Variants in CCDC57 observed in about 807,000 individuals in gnomAD.
CCDC57 encodes coiled-coil domain containing 57.
Under a neutral mutation model 118.9 loss-of-function variants are expected in CCDC57, and 118 were observed. That is an observed-to-expected ratio of 0.99 (90% CI 0.86 to 1.16). The LOEUF is 1.16. Among genes scored for constraint, CCDC57 ranks in the 50% most tolerant of loss-of-function variants. The pLI is 0.00. For synonymous variants in CCDC57, 527 were observed against 532.9 expected, an observed-to-expected ratio of 0.99 and a Z score of 0.15; for missense variants, 1,300 against 1,320.7, an observed-to-expected ratio of 0.98 and a Z score of 0.24.
chr17:82,182,074 C>T (rs1010837464), intron 9 of CCDC57, among the ~76,000 whole-genome samples: 3 of 151,766 alleles, frequency 2.0e-5, no homozygotes, highest in Admixed American at 1.3e-4. Flanking sequence ...GCTGAGATTG[C>T]GCCACTGCAC....
At chr17:82,148,305 GTGAA>G in intron 16 of CCDC57, among the ~76,000 whole-genome samples, 1 of 131,524 alleles carries the variant, frequency 7.6e-6, no homozygotes, top group African/African-American at 2.9e-5. Context: ...GGATGGGTGG[GTGAA>G]TGGATAAATG....
intron 8 of CCDC57, 50 bp from the exon 8 acceptor site, chr17:82,183,982 T>C (rs2046527936): frequency 1.3e-6 from 2 of 1,540,528 alleles, no homozygotes; most frequent in Non-Finnish European, 1.8e-6. Context: ...TCACTAAAGT[T>C]GTCTCTTACA....
In CCDC57 at chr17:82,172,917, T is replaced by C. The variant is rs1290420907; in HGVS notation, c.1507-57A>G. 16 of 1,466,718 alleles carry C rather than the reference T, an allele frequency of 1.1e-5. No individual in the cohort carries two copies. Among genetic ancestry groups the C allele is most frequent in the Non-Finnish European group, 1.5e-5 (16 of 1,067,920 alleles). The allele number at this position is 1,466,718 out of a possible 1,614,324, so 90.9% of individuals were successfully genotyped here. On this transcript the variant is annotated intron_variant, in intron 11 of 19. Transcript: ENST00000665763. This position sits in a 1 kb window ranked among gnomAD's most constrained non-coding sequence, Gnocchi z 5.2. Reference sequence around the variant, plus strand: ...AGATGAATGGTTCCCCAGCTTGTCCTGACAGGCTGTGCCTCCGCTCTCCCC... The same window carrying C: ...AGATGAATGGTTCCCCAGCTTGTCCCGACAGGCTGTGCCTCCGCTCTCCCC...
intron 16 of CCDC57, among the ~76,000 whole-genome samples, chr17:82,151,163 G>A (rs77564838): frequency 0.25 from 13,969 of 55,938 alleles, 2,565 homozygotes; most frequent in East Asian, 0.67. Flanking sequence ...AGAACCAGGC[G>A]CACACCCAGA....
chr17:82,118,482 G>A lies in CCDC57; in HGVS notation c.2899+9210C>T, dbSNP rs1372290246. Reference sequence around the variant, plus strand: ...AGGTGCGAGGTGCTCCGGAACTTGCGGGGCTTAGCTGCCCACACACGTGGG... The same window carrying A: ...AGGTGCGAGGTGCTCCGGAACTTGCAGGGCTTAGCTGCCCACACACGTGGG... On this transcript the variant is annotated intron_variant, in intron 19 of 19. Transcript: ENST00000665763. The surrounding 1 kb of genome is among the most constrained non-coding windows in gnomAD (Gnocchi z 4.7). Among the ~76,000 whole-genome samples, 6 of 152,174 alleles carry A rather than the reference G, an allele frequency of 3.9e-5. No individual in the cohort carries two copies. The highest frequency in any genetic ancestry group is 7.2e-5 in the African/African-American group (3 of 41,424).
At chr17:82,162,000 A>T (rs530845161) in intron 14 of CCDC57, among the ~76,000 whole-genome samples, 3 of 118,908 alleles carry the variant, frequency 2.5e-5, no homozygotes, top group Non-Finnish European at 3.6e-5. Flanking sequence ...TACCACAATT[A>T]AAAAAATTTT....
In CCDC57 at chr17:82,116,051, C is replaced by A. The variant is rs558409492; in HGVS notation, c.2899+11641G>T. On this transcript the variant is annotated intron_variant, in intron 19 of 19. Coordinates refer to ENST00000665763, the Ensembl canonical transcript of CCDC57. ...TGACCTCATGATCCACCCGCCTCAG[C>A]CTCCCAAAGTGCTGGGATTACAGGC... Among the ~76,000 whole-genome samples, 139 of 150,478 alleles carry A rather than the reference C, an allele frequency of 9.2e-4. 2 individuals are homozygous for A. The South Asian group carries it at 0.029, about 31-fold the overall frequency.
intron 19 of CCDC57, among the ~76,000 whole-genome samples, chr17:82,106,859 A>G (rs554752142): frequency 6.6e-6 from 1 of 152,312 alleles, no homozygotes; most frequent in South Asian, 2.1e-4. Flanking sequence ...GGGAACTTTC[A>G]AAAGGGGCCC....
At chr17:82,148,170 A>ATGGATGG (rs2041138485) in intron 16 of CCDC57, among the ~76,000 whole-genome samples, 2 of 58,634 alleles carry the variant, frequency 3.4e-5, no homozygotes, top group African/African-American at 1.4e-4. Context: ...TGGATGGATG[A>ATGGATGG]ATAGATAGGT....
chr17:82,146,141 A>G (rs1316273434), intron 16 of CCDC57, among the ~76,000 whole-genome samples: 18 of 152,222 alleles, frequency 1.2e-4, no homozygotes, highest in Admixed American at 1.2e-3. Context: ...GAAGTGGACT[A>G]GAGAAGCATC....
intron 19 of CCDC57, among the ~76,000 whole-genome samples, chr17:82,117,513 C>CT (rs1238803292): frequency 6.6e-6 from 1 of 152,090 alleles, no homozygotes; most frequent in East Asian, 1.9e-4. Context: ...TGGTACGTGC[C>CT]TGTGGTCCCA....
chr17:82,107,582 C>T (rs750199955), intron 19 of CCDC57: 64 of 470,884 alleles, frequency 1.4e-4, no homozygotes, highest in African/African-American at 9.4e-4. Flanking sequence ...TGAGGATGGG[C>T]GGATGGAGTT....
At position 82,172,870 on chromosome 17, in the gene CCDC57, A is replaced by G. The variant is rs1294546602; in HGVS notation, c.1507-10T>C. The G allele has an allele frequency of 6.2e-7, 1 of 1,604,354 alleles. No individual in the cohort carries two copies. The highest frequency in any genetic ancestry group is 8.5e-7 in the Non-Finnish European group (1 of 1,175,116). ...GCTGCCTGAGAAGCATCTGTCAAAT[A>G]CAAGGAAAAATGGCTACAAAAAGAT... On this transcript the variant is annotated splice_polypyrimidine_tract_variant and intron_variant, in intron 11 of 19. Coordinates refer to ENST00000665763, the Ensembl canonical transcript of CCDC57. The surrounding 1 kb of genome is among the most constrained non-coding windows in gnomAD (Gnocchi z 5.2).
At chr17:82,143,093 C>A (rs371670074) in intron 16 of CCDC57, among the ~76,000 whole-genome samples, 1 of 151,522 alleles carries the variant, frequency 6.6e-6, no homozygotes, top group East Asian at 1.9e-4. Flanking sequence ...TCCCATGAGG[C>A]GGAGGTTGTA....
chr17:82,148,298 T>C (rs2041178829), intron 16 of CCDC57, among the ~76,000 whole-genome samples: 1 of 115,018 alleles, frequency 8.7e-6, no homozygotes, highest in Non-Finnish European at 1.8e-5. Context: ...GATACATGGA[T>C]GGGTGGGTGA....
chr17:82,211,785 C>T (rs1179061348), intron 1 of CCDC57, among the ~76,000 whole-genome samples: 2 of 152,106 alleles, frequency 1.3e-5, no homozygotes, highest in Non-Finnish European at 2.9e-5. Context: ...CCAAGCACAT[C>T]CAGGAATGCG....
chr17:82,177,101 C>T (rs573838952), intron 11 of CCDC57, among the ~76,000 whole-genome samples: 2 of 152,124 alleles, frequency 1.3e-5, no homozygotes, highest in African/African-American at 2.4e-5. Flanking sequence ...CAAAATTAGC[C>T]GGGCGTGGTG....
At chr17:82,111,996 C>A (rs1203697235) in intron 19 of CCDC57, 1 of 150,830 alleles carries the variant, frequency 6.6e-6, no homozygotes, top group African/African-American at 2.5e-5. Context: ...TTTTTTGAGA[C>A]AGGAGTCTGC....
chr17:82,188,760 A>G (rs548916304), intron 7 of CCDC57, among the ~76,000 whole-genome samples: 2 of 152,206 alleles, frequency 1.3e-5, no homozygotes, highest in South Asian at 4.1e-4. Flanking sequence ...GAAAGCAAAA[A>G]AAGGTAGATG....
Sources: gnomAD v4.1 joint callset for allele counts (sites outside exome capture counted in the v4.1 genomes callset) on GRCh38, gnomAD v4.1.1 for gene constraint, Gnocchi (gnomAD v3.1) non-coding constraint, MANE v1.5 for transcripts, NCBI Gene and HGNC (gene_info 2026-07-23, HGNC 2026-07-21) for gene names.